Variants in PDE4D observed in about 807,000 individuals in gnomAD.
PDE4D encodes phosphodiesterase 4D.
Under a neutral mutation model 87.4 loss-of-function variants are expected in PDE4D, and 24 were observed. That is an observed-to-expected ratio of 0.27 (90% CI 0.20 to 0.39). PDE4D has a LOEUF of 0.39. PDE4D is among the 10% of genes least tolerant of loss of function. The pLI is 1.00. For missense variants in PDE4D, 714 were observed against 1,041.0 expected (o/e 0.69, Z 4.32); for synonymous variants, 384 against 383.2 (o/e 1.00, Z -0.02).
intron 1 of PDE4D, among the ~76,000 whole-genome samples, chr5:59,739,308 T>G (rs1580790189): frequency 6.6e-6 from 1 of 152,030 alleles, no homozygotes; most frequent in Admixed American, 6.6e-5. Flanking sequence ...TAGTCCCAGC[T>G]ATTCGGGAGG....
chr5:60,182,336 C>T (rs1166051965), intron 2 of PDE4D, among the ~76,000 whole-genome samples: 1 of 152,296 alleles, frequency 6.6e-6, no homozygotes, highest in African/African-American at 2.4e-5. Context: ...ATTGGGAAAA[C>T]ATACAGATTC....
chr5:59,172,321 TA>T (rs1561625003), intron 5 of PDE4D, among the ~76,000 whole-genome samples: 1 of 132,380 alleles, frequency 7.6e-6, no homozygotes, highest in African/African-American at 2.8e-5. Context: ...TTTTATAAAA[TA>T]TATAATATAT....
At chr5:60,462,820 T>C (rs1747062234) in intron 1 of PDE4D, among the ~76,000 whole-genome samples, 1 of 152,234 alleles carries the variant, frequency 6.6e-6, no homozygotes, top group African/African-American at 2.4e-5. Context: ...TTGGGTTCTT[T>C]TCCTCATTAG....
chr5:59,794,494 C>T (rs1766227252), intron 1 of PDE4D, among the ~76,000 whole-genome samples: 2 of 152,030 alleles, frequency 1.3e-5, no homozygotes, highest in South Asian at 2.1e-4. Flanking sequence ...CCCTCCCTCC[C>T]TCCTGCTTGC....
intron 1 of PDE4D, among the ~76,000 whole-genome samples, chr5:59,705,197 C>T (rs1243618732): frequency 6.6e-6 from 1 of 152,066 alleles, no homozygotes; most frequent in African/African-American, 2.4e-5. Context: ...AAGATTGTTC[C>T]AGGCCTGAGA....
chr5:59,723,897 G>A (rs946112650), intron 1 of PDE4D, among the ~76,000 whole-genome samples: 9 of 152,158 alleles, frequency 5.9e-5, no homozygotes, highest in African/African-American at 2.2e-4. Flanking sequence ...AAGGGAAAGA[G>A]AGATTAAAAT....
chr5:59,580,204 C>T (rs904353466), intron 1 of PDE4D, among the ~76,000 whole-genome samples: 113 of 152,268 alleles, frequency 7.4e-4, no homozygotes, highest in African/African-American at 2.6e-3. Context: ...CAGGCCAGGC[C>T]TGGTTTTGAG....
At chr5:58,998,654 A>T (rs1411361999) in intron 6 of PDE4D, among the ~76,000 whole-genome samples, 1 of 152,184 alleles carries the variant, frequency 6.6e-6, no homozygotes, top group African/African-American at 2.4e-5. Flanking sequence ...AAAGAAACAA[A>T]GCAAACGACA....
chr5:59,513,231 T>C (rs1040145777), intron 1 of PDE4D, among the ~76,000 whole-genome samples: 3 of 152,178 alleles, frequency 2.0e-5, no homozygotes, highest in Non-Finnish European at 4.4e-5. Context: ...CCACTAAATA[T>C]ATCATTTCAA....
chr5:59,608,245 G>A (rs898039856), intron 1 of PDE4D, among the ~76,000 whole-genome samples: 1 of 152,006 alleles, frequency 6.6e-6, no homozygotes, highest in African/African-American at 2.4e-5. Flanking sequence ...TTTAATGTGG[G>A]GTTTCTGCCA....
At chr5:59,780,703 C>T (rs1164328134) in intron 1 of PDE4D, among the ~76,000 whole-genome samples, 4 of 152,132 alleles carry the variant, frequency 2.6e-5, no homozygotes, top group Admixed American at 2.6e-4. Flanking sequence ...ATAGATAAGG[C>T]CTCAGCTGTA....
intron 1 of PDE4D, among the ~76,000 whole-genome samples, chr5:59,308,856 A>G (rs1281291767): frequency 6.6e-6 from 1 of 151,718 alleles, no homozygotes; most frequent in African/African-American, 2.4e-5. Flanking sequence ...ATAGGGAAGG[A>G]CCATCAGGTG....
At chr5:59,503,704 G>C (rs771650464) in intron 1 of PDE4D, among the ~76,000 whole-genome samples, 1 of 152,142 alleles carries the variant, frequency 6.6e-6, no homozygotes, top group Non-Finnish European at 1.5e-5. Context: ...ACCTTTCAGT[G>C]AGCTGGGACA....
At chr5:60,152,563 G>A (rs1781602552) in intron 2 of PDE4D, among the ~76,000 whole-genome samples, 1 of 151,468 alleles carries the variant, frequency 6.6e-6, no homozygotes, top group Non-Finnish European at 1.5e-5. Flanking sequence ...TGAGGCAGGA[G>A]AATAGTGTGA....
Position 60,317,667 on chromosome 5 carries a change from C to G in PDE4D, c.-89-131980G>C, listed in dbSNP as rs544208388. Among the ~76,000 whole-genome samples the G allele has an allele frequency of 2.0e-4, 30 of 152,252 alleles. No homozygotes were observed. In the East Asian group the frequency reaches 5.8e-3, roughly 29 times the overall value. ...TCTACACACTGCATTGAATGTATCCCAGAGATTCTGGTATGTTGTGTCTTT... is the reference window on the plus strand; with the variant it reads ...TCTACACACTGCATTGAATGTATCCGAGAGATTCTGGTATGTTGTGTCTTT... On this transcript the variant is annotated intron_variant, in intron 1 of 16. Transcript: ENST00000502484.
At chr5:60,460,721 A>G (rs1746862620) in intron 1 of PDE4D, 1 of 783,824 alleles carries the variant, frequency 1.3e-6, no homozygotes, top group Non-Finnish European at 2.1e-6. Context: ...AGGAGTGGAG[A>G]CTGGCATTTG....
intron 1 of PDE4D, among the ~76,000 whole-genome samples, chr5:59,422,389 G>A (rs1794615290): frequency 6.6e-6 from 1 of 152,064 alleles, no homozygotes; most frequent in Admixed American, 6.6e-5. Flanking sequence ...CAAGTCCAAA[G>A]TCCTGACTAT....
chr5:59,964,894 T>C (rs181446468), intron 3 of PDE4D, among the ~76,000 whole-genome samples: 18 of 152,274 alleles, frequency 1.2e-4, no homozygotes, highest in African/African-American at 4.1e-4. Flanking sequence ...CTCCATGGTA[T>C]TGCTTAATTT....
At chr5:60,288,985 CA>C (rs1158569137) in intron 1 of PDE4D, among the ~76,000 whole-genome samples, 1 of 152,120 alleles carries the variant, frequency 6.6e-6, no homozygotes, top group Non-Finnish European at 1.5e-5. Context: ...GATTCACCTA[CA>C]AGAAAACACA....
Sources: gnomAD v4.1 joint callset for allele counts (sites outside exome capture counted in the v4.1 genomes callset) on GRCh38, gnomAD v4.1.1 for gene constraint, MANE v1.5 for transcripts, NCBI Gene and HGNC (gene_info 2026-07-23, HGNC 2026-07-21) for gene names.